Variants in LMLN observed in about 807,000 individuals in gnomAD.
The protein encoded by LMLN is leishmanolysin-like peptidase.
A neutral mutation model predicts 92.3 loss-of-function variants in LMLN; 70 were observed. That is an observed-to-expected ratio of 0.76 (90% CI 0.63 to 0.92). The LOEUF (loss-of-function observed/expected upper bound fraction) is 0.92, where lower values mean the gene tolerates loss of function less well. Among genes scored for constraint, LMLN ranks in the 40% least tolerant of loss-of-function variants. The pLI is 0.00. For missense variants in LMLN, 691 were observed against 814.6 expected (o/e 0.85, Z 1.85); for synonymous variants, 308 against 296.2 (o/e 1.04, Z -0.41).
chr3:198,012,682 C>G (rs1722482382), intron 11 of LMLN, among the ~76,000 whole-genome samples: 1 of 151,456 alleles, frequency 6.6e-6, no homozygotes, highest in African/African-American at 2.4e-5. Context: ...TCTGACTTCT[C>G]TGTACCCTTC....
intron 14 of LMLN, among the ~76,000 whole-genome samples, chr3:198,027,553 CCTCT>C (rs1223100363): frequency 1.3e-5 from 2 of 152,120 alleles, no homozygotes; most frequent in Non-Finnish European, 2.9e-5. Context: ...TATTCTACGT[CCTCT>C]CTCTGTGGAT....
chr3:197,982,215 G>A (rs1459380976), intron 6 of LMLN, among the ~76,000 whole-genome samples: 1 of 144,098 alleles, frequency 6.9e-6, no homozygotes, highest in Non-Finnish European at 1.5e-5. Flanking sequence ...AGAAAAAGCA[G>A]TTACCTTCTT....
At chr3:197,979,553 C>T (rs1411854595) in intron 5 of LMLN, among the ~76,000 whole-genome samples, 1 of 152,072 alleles carries the variant, frequency 6.6e-6, no homozygotes, top group Non-Finnish European at 1.5e-5. Flanking sequence ...TGCAGTGGCT[C>T]ATGCCTGTAA....
Position 198,019,119 on chromosome 3 carries a change from C to G in LMLN, c.1233-134C>G. 2 of 866,762 alleles carry G rather than the reference C, an allele frequency of 2.3e-6. No homozygotes were observed. The highest frequency in any genetic ancestry group is 3.4e-6 in the Non-Finnish European group (2 of 581,648). The allele number at this position is 866,762 out of a possible 1,614,324, so 53.7% of individuals were successfully genotyped here. ...GAGGGGACATTGCCTCCATCTCTTT[C>G]CAAGAATCCCATTTGTTAATTATGA... On this transcript the variant is annotated intron_variant, in intron 11 of 15. Transcript: ENST00000330198. This position sits in a 1 kb window ranked among gnomAD's most constrained non-coding sequence, Gnocchi z 5.5.
chr3:197,985,940 G>T (rs773274183), intron 8 of LMLN, 50 bp downstream of exon 8: 1 of 1,118,120 alleles, frequency 8.9e-7, no homozygotes, highest in Admixed American at 1.7e-5. Context: ...AGGGTGCTAA[G>T]ACTAGAATCT....
intron 14 of LMLN, among the ~76,000 whole-genome samples, chr3:198,032,095 C>G (rs1297456574): frequency 7.3e-6 from 1 of 136,652 alleles, no homozygotes; most frequent in Non-Finnish European, 1.5e-5. Context: ...GAGTGAGACT[C>G]TGACTCAAAA....
chr3:198,001,841 T>C (rs889651523), intron 11 of LMLN, among the ~76,000 whole-genome samples: 3 of 152,126 alleles, frequency 2.0e-5, no homozygotes, highest in Non-Finnish European at 4.4e-5. Context: ...ATTATAGAGA[T>C]GGGGTTTCGC....
At chr3:197,993,995 T>C (rs1036163600) in intron 9 of LMLN, among the ~76,000 whole-genome samples, 6 of 152,134 alleles carry the variant, frequency 3.9e-5, no homozygotes, top group African/African-American at 1.4e-4. Flanking sequence ...TGATTTTTAA[T>C]AAAGGTGCTA....
At position 197,994,551 on chromosome 3, in the gene LMLN, A is replaced by G. The variant is rs1313667893; in HGVS notation, c.1048-1624A>G. The G allele has an allele frequency of 3.3e-5, 5 of 152,184 alleles. No homozygotes were observed. In the South Asian group the frequency reaches 1.0e-3, roughly 31 times the overall value. 9.4% of individuals were successfully genotyped at this position (152,184 alleles called of 1,614,324 possible). Reference sequence around the variant, plus strand: ...TAGGGAAATGAAAATTAAAAGCACAATGAGATGTCATTTTATGCCTATCAG... The same window carrying G: ...TAGGGAAATGAAAATTAAAAGCACAGTGAGATGTCATTTTATGCCTATCAG... On this transcript the variant is annotated intron_variant, in intron 9 of 15. Coordinates refer to ENST00000330198, the Ensembl canonical transcript of LMLN.
At chr3:197,988,935 G>A (rs1453646392) in intron 8 of LMLN, among the ~76,000 whole-genome samples, 2 of 152,018 alleles carry the variant, frequency 1.3e-5, no homozygotes, top group African/African-American at 2.4e-5. Context: ...CGCCCATCTC[G>A]GCCTCCCAAA....
intron 14 of LMLN, among the ~76,000 whole-genome samples, chr3:198,034,627 TAAAA>T (rs1244028095): frequency 2.6e-5 from 4 of 152,040 alleles, no homozygotes; most frequent in Non-Finnish European, 5.9e-5. Context: ...ATAAATAAAT[TAAAA>T]TTTTAAAAAA....
intron 1 of LMLN, among the ~76,000 whole-genome samples, chr3:197,968,794 T>A (rs182903418): frequency 6.6e-6 from 1 of 152,358 alleles, no homozygotes; most frequent in African/African-American, 2.4e-5. Flanking sequence ...TGTTTCTTCC[T>A]TAAATGTTTA....
chr3:198,018,389 G>A (rs757210107), intron 11 of LMLN, among the ~76,000 whole-genome samples: 14 of 152,178 alleles, frequency 9.2e-5, no homozygotes, highest in South Asian at 8.3e-4. Flanking sequence ...AGTGCTTTGC[G>A]GTTGAAGCTC....
At chr3:197,995,620 A>G (rs1291078694) in intron 9 of LMLN, among the ~76,000 whole-genome samples, 1 of 152,152 alleles carries the variant, frequency 6.6e-6, no homozygotes, top group Non-Finnish European at 1.5e-5. Flanking sequence ...ACAAAATCAC[A>G]GATGGGTGTA....
intron 8 of LMLN, among the ~76,000 whole-genome samples, 182 bp from the exon 9 acceptor site, chr3:197,990,377 A>T (rs569448780): frequency 1.3e-5 from 2 of 152,232 alleles, no homozygotes; most frequent in Non-Finnish European, 2.9e-5. Context: ...AATTAAATTT[A>T]AAAAAATGTA....
At chr3:197,976,711 T>C in exon 5 of LMLN, 3 of 1,476,360 alleles carry the variant, frequency 2.0e-6, no homozygotes, top group East Asian at 4.8e-5. Context: ...GAGGAACATC[T>C]CCAGGTATTT....
At chr3:198,032,258 C>G (rs1228946981) in intron 14 of LMLN, among the ~76,000 whole-genome samples, 3 of 152,138 alleles carry the variant, frequency 2.0e-5, no homozygotes, top group African/African-American at 7.2e-5. Context: ...GTCAGAGAAA[C>G]TGCCAGTGAC....
intron 11 of LMLN, among the ~76,000 whole-genome samples, chr3:198,000,899 T>C (rs940615594): frequency 2.0e-5 from 3 of 150,944 alleles, no homozygotes; most frequent in African/African-American, 7.4e-5. Context: ...CTTTATTGTA[T>C]TGAGTTTTTA....
chr3:197,966,734 C>A (rs1419071328), intron 1 of LMLN, among the ~76,000 whole-genome samples: 2 of 151,878 alleles, frequency 1.3e-5, no homozygotes, highest in Non-Finnish European at 2.9e-5. Flanking sequence ...GATTTATTAC[C>A]CTTTTTACAT....
Sources: allele counts gnomAD v4.1 joint callset (sites outside exome capture counted in the v4.1 genomes callset), GRCh38; gene constraint gnomAD v4.1.1; non-coding constraint Gnocchi (gnomAD v3.1); transcripts MANE v1.5; gene names NCBI Gene and HGNC (gene_info 2026-07-23, HGNC 2026-07-21).